NCBP1: variants seen among roughly 807,000 people sequenced by gnomAD.
The protein encoded by NCBP1 is nuclear cap-binding protein subunit 1.
A neutral mutation model predicts 111.7 loss-of-function variants in NCBP1; 16 were observed. The observed-to-expected ratio is 0.14, with a 90% CI of 0.10 to 0.22. The LOEUF is 0.22. NCBP1 is among the 10% of genes least tolerant of loss of function. NCBP1 has a pLI of 1.00. For missense variants in NCBP1, 607 were observed against 957.5 expected, an observed-to-expected ratio of 0.63 and a Z score of 4.83; for synonymous variants, 304 against 314.3, an observed-to-expected ratio of 0.97 and a Z score of 0.35.
chr9:97,634,695 AAC>A (rs962795450), intron 1 of NCBP1: 3 of 152,232 alleles, frequency 2.0e-5, no homozygotes, highest in African/African-American at 7.2e-5. Context: ...ATCGGTCAAA[AAC>A]ACAAATCCAC....
intron 10 of NCBP1, among the ~76,000 whole-genome samples, chr9:97,653,191 A>C (rs1827548202): frequency 6.7e-6 from 1 of 148,526 alleles, no homozygotes; most frequent in African/African-American, 2.6e-5. Flanking sequence ...CACGACCTCA[A>C]CTCAGTGCAA....
In NCBP1 at chr9:97,645,132, G is replaced by T; in HGVS notation, c.397G>T (p.Asp133Tyr). Residue 133 changes from aspartate to tyrosine, a missense_variant, in exon 5 of 23, where the codon GAT becomes TAT. Asp to Tyr is a radical substitution (Grantham distance 160). Transcript: ENST00000375147. ...GCCCCAACAGGTCCGTTTTTTATCT[G>T]ATCTTGTGAATTGTCATGTGATTGC... ...EAVYLVRFLS[D>Y]LVNCHVIAAP... The T allele has an allele frequency of 1.2e-6, 2 of 1,613,000 alleles. No individual in the cohort carries two copies. The highest frequency in any genetic ancestry group is 1.1e-5 in the South Asian group (1 of 91,048).
Position 97,645,006 on chromosome 9 carries a change from C to T in NCBP1, c.382-111C>T. On this transcript the variant is annotated intron_variant, in intron 4 of 22. Transcript: ENST00000375147. ...AAACAGGTAGTAGGCTAGATTCAGC[C>T]CTTAGGCTATAGTTTTTTAGACCAA... 6.8e-6 allele frequency: 5 copies of T among 740,688 alleles called. No individual in the cohort carries two copies. The South Asian group carries it at 9.5e-5, about 14-fold the overall frequency. 45.9% of individuals were successfully genotyped at this position (740,688 alleles called of 1,614,324 possible). A position where few individuals can be genotyped will look rare whatever the true frequency, so the allele number is the denominator to read the frequency against.
At chr9:97,660,197 C>CT (rs2131357811) in intron 15 of NCBP1, among the ~76,000 whole-genome samples, 1 of 152,258 alleles carries the variant, frequency 6.6e-6, no homozygotes, top group East Asian at 1.9e-4. Context: ...TATGACTGTC[C>CT]TCACATGACT....
At chr9:97,637,493 GC>G (rs1827077720) in intron 1 of NCBP1, among the ~76,000 whole-genome samples, 1 of 152,124 alleles carries the variant, frequency 6.6e-6, no homozygotes, top group African/African-American at 2.4e-5. Context: ...TGCTGTATTA[GC>G]CCCATTTAAG....
chr9:97,638,039 G>T (rs1827099828), intron 1 of NCBP1, among the ~76,000 whole-genome samples: 1 of 151,990 alleles, frequency 6.6e-6, no homozygotes, highest in Non-Finnish European at 1.5e-5. Flanking sequence ...TCTTGCCTTG[G>T]GAACTACCAT....
At chr9:97,647,747 T>C (rs967229277) in intron 7 of NCBP1, among the ~76,000 whole-genome samples, 186 bp downstream of exon 7, 3 of 152,258 alleles carry the variant, frequency 2.0e-5, no homozygotes, top group Admixed American at 2.0e-4. Context: ...AATTGAAATA[T>C]TCCCTTGTTC....
chr9:97,643,182 T>A, intron 3 of NCBP1, 22 bp from the exon 4 acceptor site: 1 of 1,556,972 alleles, frequency 6.4e-7, no homozygotes, highest in Non-Finnish European at 8.6e-7. Flanking sequence ...GGTTTTCTTG[T>A]TATACTGGGT....
At chr9:97,637,657 A>G (rs1376681867) in intron 1 of NCBP1, among the ~76,000 whole-genome samples, 3 of 152,226 alleles carry the variant, frequency 2.0e-5, no homozygotes. Context: ...GGCTCAAGGC[A>G]TGTTATCTTT....
intron 10 of NCBP1, among the ~76,000 whole-genome samples, chr9:97,653,592 C>T (rs1377775780): frequency 2.0e-5 from 3 of 151,802 alleles, no homozygotes; most frequent in Admixed American, 6.6e-5. Context: ...TTTATTTGAT[C>T]GAATTATAGA....
rs1827932704 is a variant in NCBP1, at chr9:97,664,405, T to C, written c.1863T>C (p.Asn621=). The part of the protein sequence containing the change: ...TQIVDCAAVA[N]WIFSSELSRD... ...TAGTTGATTGTGCTGCCGTAGCAAA[T>C]TGGATCTTCTCTTCAGAACTATCTC... The change falls in exon 19 of 23, where the codon AAT becomes AAC. Residue 621 remains asparagine (N), a synonymous_variant. Coordinates refer to ENST00000375147, the MANE Select transcript of NCBP1 (RefSeq NM_002486.5). The C allele has an allele frequency of 8.1e-6, 13 of 1,612,706 alleles. No individual in the cohort carries two copies. Among genetic ancestry groups the C allele is most frequent in the Non-Finnish European group, 1.1e-5 (13 of 1,178,740 alleles).
chr9:97,640,721 C>G, intron 1 of NCBP1, 73 bp from the exon 2 acceptor site: 1 of 1,191,198 alleles, frequency 8.4e-7, no homozygotes, highest in Non-Finnish European at 1.2e-6. Context: ...GAGATTATAA[C>G]CTAAAAAGGT....
intron 22 of NCBP1, 38 bp downstream of exon 22, chr9:97,669,744 T>G: frequency 5.9e-6 from 8 of 1,363,886 alleles, no homozygotes; most frequent in Non-Finnish European, 8.4e-6. Context: ...AACACTATTC[T>G]CAGCCACAAA....
At position 97,668,836 on chromosome 9, in the gene NCBP1, C is replaced by T. The variant is rs375166191; in HGVS notation, c.2017-10C>T. ...ATGGTATTTTCCTTTTGTTCATTTG[C>T]CTTCTATAGCGAAGTGATGATGACG... On this transcript the variant is annotated splice_polypyrimidine_tract_variant and intron_variant, in intron 20 of 22. Coordinates refer to ENST00000375147, the MANE Select transcript of NCBP1 (RefSeq NM_002486.5). 9.3e-6 allele frequency: 15 copies of T among 1,606,104 alleles called. No homozygotes were observed. In the South Asian group the frequency reaches 1.6e-4, roughly 17 times the overall value.
intron 18 of NCBP1, 32 bp from the exon 19 acceptor site, chr9:97,664,308 T>C: frequency 1.5e-6 from 2 of 1,347,300 alleles, no homozygotes; most frequent in Non-Finnish European, 2.1e-6. Context: ...TATGTGTGTG[T>C]GTGATTTACT....
intron 21 of NCBP1, 42 bp downstream of exon 21, chr9:97,669,016 C>T: frequency 1.3e-6 from 2 of 1,523,510 alleles, no homozygotes; most frequent in African/African-American, 1.4e-5. Flanking sequence ...GGAAACAATA[C>T]ATTTCTTTAG....
At chr9:97,660,847 G>T in intron 15 of NCBP1, 99 bp from the exon 16 acceptor site, 2 of 1,379,298 alleles carry the variant, frequency 1.5e-6, no homozygotes, top group Non-Finnish European at 1.9e-6. Context: ...ATTTTGAAAG[G>T]AAGAATTTAA....
intron 16 of NCBP1, 27 bp downstream of exon 16, chr9:97,661,095 TG>T (rs1281267191): frequency 3.7e-6 from 6 of 1,609,360 alleles, no homozygotes; most frequent in Non-Finnish European, 5.1e-6. Context: ...ATTTCTTAAG[TG>T]GAACTATGTA....
chr9:97,655,007 G>C (rs1381609798), intron 12 of NCBP1, 63 bp downstream of exon 12: 5 of 1,287,800 alleles, frequency 3.9e-6, no homozygotes, highest in Non-Finnish European at 3.1e-6. Flanking sequence ...CTTCATAAAG[G>C]AATTTGAGAA....
Sources: gnomAD v4.1 joint callset for allele counts (sites outside exome capture counted in the v4.1 genomes callset) on GRCh38, gnomAD v4.1.1 for gene constraint, MANE v1.5 for transcripts, NCBI Gene and HGNC (gene_info 2026-07-23, HGNC 2026-07-21) for gene names.